CHCHD6: variants seen among roughly 807,000 people sequenced by gnomAD.
The protein encoded by CHCHD6 is MICOS complex subunit MIC25.
Under a neutral mutation model 32.3 loss-of-function variants are expected in CHCHD6, and 28 were observed. The observed-to-expected ratio is 0.87, with a 90% CI of 0.64 to 1.19. The LOEUF (loss-of-function observed/expected upper bound fraction) is 1.19. Among genes scored for constraint, CHCHD6 ranks in the 50% most tolerant of loss-of-function variants. The pLI is 0.00. For synonymous variants in CHCHD6, 122 were observed against 117.5 expected (o/e 1.04, Z -0.25); for missense variants, 333 against 307.0 (o/e 1.08, Z -0.63).
At chr3:126,886,258 T>C (rs2077678232) in intron 5 of CHCHD6, among the ~76,000 whole-genome samples, 1 of 152,178 alleles carries the variant, frequency 6.6e-6, no homozygotes, top group Non-Finnish European at 1.5e-5. Context: ...TCTTTTGGAG[T>C]TTTCAGTTAC....
intron 5 of CHCHD6, among the ~76,000 whole-genome samples, chr3:126,864,530 T>A: frequency 7.2e-6 from 1 of 138,632 alleles, no homozygotes; most frequent in African/African-American, 2.7e-5. Context: ...CTCCACCACC[T>A]CCTCCTCCTT....
intron 4 of CHCHD6, among the ~76,000 whole-genome samples, chr3:126,799,505 C>T (rs1344009839): frequency 6.6e-6 from 1 of 152,178 alleles, no homozygotes; most frequent in African/African-American, 2.4e-5. Context: ...CTTTAGAAAA[C>T]AAACAGGACG....
intron 4 of CHCHD6, among the ~76,000 whole-genome samples, chr3:126,797,408 G>T (rs1215667053): frequency 6.6e-6 from 1 of 152,114 alleles, no homozygotes; most frequent in Non-Finnish European, 1.5e-5. Context: ...TAAAAATACT[G>T]AAAAGACCTT....
chr3:126,886,439 C>T (rs977711633), intron 5 of CHCHD6, among the ~76,000 whole-genome samples: 3 of 152,180 alleles, frequency 2.0e-5, no homozygotes, highest in South Asian at 2.1e-4. Flanking sequence ...ACACTACTGC[C>T]GGTTATCACT....
intron 6 of CHCHD6, chr3:126,956,968 C>T (rs2078794010): frequency 5.6e-6 from 1 of 177,882 alleles, no homozygotes; most frequent in South Asian, 1.5e-4. Flanking sequence ...CACAGGAAAG[C>T]CCAGGAAAGC....
chr3:126,850,145 C>A (rs1260920271), intron 4 of CHCHD6, among the ~76,000 whole-genome samples: 2 of 152,196 alleles, frequency 1.3e-5, no homozygotes, highest in East Asian at 3.8e-4. Flanking sequence ...CTCAGATGAG[C>A]AGAGCCAGTG....
At chr3:126,824,822 G>A (rs150561073) in intron 4 of CHCHD6, among the ~76,000 whole-genome samples, 3 of 151,784 alleles carry the variant, frequency 2.0e-5, no homozygotes, top group East Asian at 2.0e-4. Flanking sequence ...CAGGTGATCC[G>A]CCCACCTCAG....
chr3:126,914,759 T>C lies in CHCHD6; in HGVS notation c.566+9T>C. ...ATGGAGAGCACAATAAAGTAAGAATTTGTTTATTATTCTTTGTAAACTTGG... is the reference window on the plus strand; with the variant it reads ...ATGGAGAGCACAATAAAGTAAGAATCTGTTTATTATTCTTTGTAAACTTGG... On this transcript the variant is annotated intron_variant, in intron 6 of 7. Coordinates refer to ENST00000290913, the MANE Select transcript of CHCHD6 (RefSeq NM_032343.3). 3 of 1,502,468 alleles carry C rather than the reference T, an allele frequency of 2.0e-6. No individual in the cohort carries two copies. The highest frequency in any genetic ancestry group is 2.8e-6 in the Non-Finnish European group (3 of 1,077,884). The allele number at this position is 1,502,468 out of a possible 1,614,324, so 93.1% of individuals were successfully genotyped here.
chr3:126,816,555 G>A lies in CHCHD6; in HGVS notation c.412-36092G>A, dbSNP rs142376320. Reference sequence around the variant, plus strand: ...TGAACCCTTTCAGGTGCTGAGTATGGGCCCGAGGGACTACAGCCTGAAAGC... The same window carrying A: ...TGAACCCTTTCAGGTGCTGAGTATGAGCCCGAGGGACTACAGCCTGAAAGC... On this transcript the variant is annotated intron_variant, in intron 4 of 7. Coordinates refer to ENST00000290913, the MANE Select transcript of CHCHD6 (RefSeq NM_032343.3). 1.4e-3 allele frequency among the ~76,000 whole-genome samples: 209 copies of A among 152,192 alleles called. 4 individuals are homozygous for A. In the East Asian group the frequency reaches 0.036, roughly 27 times the overall value.
intron 4 of CHCHD6, among the ~76,000 whole-genome samples, chr3:126,739,525 A>C (rs1936199737): frequency 1.3e-5 from 2 of 152,210 alleles, no homozygotes; most frequent in African/African-American, 4.8e-5. Context: ...TGTCTCAAGA[A>C]ACTAGCGGGT....
intron 6 of CHCHD6, among the ~76,000 whole-genome samples, chr3:126,917,788 C>T (rs746327085): frequency 3.0e-4 from 46 of 152,206 alleles, no homozygotes; most frequent in Admixed American, 7.2e-4. Flanking sequence ...GAAAGGGACT[C>T]CAGAGAGCTC....
chr3:126,921,315 C>T (rs998015938), intron 6 of CHCHD6, among the ~76,000 whole-genome samples: 1 of 152,142 alleles, frequency 6.6e-6, no homozygotes, highest in African/African-American at 2.4e-5. Flanking sequence ...CAGTCACAGA[C>T]TAGGGCCTCT....
chr3:126,771,305 G>T (rs1380510407), intron 4 of CHCHD6, among the ~76,000 whole-genome samples: 1 of 151,028 alleles, frequency 6.6e-6, no homozygotes, highest in African/African-American at 2.4e-5. Flanking sequence ...CCCAGGTTCA[G>T]GCAATTCCCC....
In CHCHD6 at chr3:126,958,252, A is replaced by G. The variant is rs556572607; in HGVS notation, c.702+701A>G. 4.6e-5 allele frequency among the ~76,000 whole-genome samples: 7 copies of G among 150,686 alleles called. No individual in the cohort carries two copies. The South Asian group carries it at 6.3e-4, about 14-fold the overall frequency. ...TGGTGCAGTCAGGCTGTTCCCAGCCATACCTCACCCTTGCCCCACCCCAAC... is the reference window on the plus strand; with the variant it reads ...TGGTGCAGTCAGGCTGTTCCCAGCCGTACCTCACCCTTGCCCCACCCCAAC... On this transcript the variant is annotated intron_variant, in intron 7 of 7. Coordinates refer to ENST00000290913, the MANE Select transcript of CHCHD6 (RefSeq NM_032343.3).
intron 1 of CHCHD6, among the ~76,000 whole-genome samples, chr3:126,705,381 T>C (rs1380110627): frequency 6.6e-6 from 1 of 152,220 alleles, no homozygotes; most frequent in Non-Finnish European, 1.5e-5. Flanking sequence ...GCAGCTCTTA[T>C]TGCAGTGTAG....
At chr3:126,827,761 C>T (rs1470304871) in intron 4 of CHCHD6, among the ~76,000 whole-genome samples, 1 of 152,064 alleles carries the variant, frequency 6.6e-6, no homozygotes. Context: ...GTTAATTGAG[C>T]CTGGAAAGTA....
chr3:126,847,042 T>A (rs1230536969), intron 4 of CHCHD6, among the ~76,000 whole-genome samples: 1 of 152,194 alleles, frequency 6.6e-6, no homozygotes, highest in Non-Finnish European at 1.5e-5. Flanking sequence ...AAATTGATAA[T>A]CATTTTTCTT....
At chr3:126,727,502 A>G (rs1177506872) in intron 2 of CHCHD6, among the ~76,000 whole-genome samples, 1 of 152,226 alleles carries the variant, frequency 6.6e-6, no homozygotes. Flanking sequence ...CGGCATAGCC[A>G]TGACTCAGCT....
chr3:126,800,435 G>A (rs964840586), intron 4 of CHCHD6, among the ~76,000 whole-genome samples: 5 of 152,164 alleles, frequency 3.3e-5, no homozygotes, highest in African/African-American at 9.7e-5. Flanking sequence ...AATCACAGAA[G>A]CAGTTGGGCC....
Sources: gnomAD v4.1 joint callset for allele counts (sites outside exome capture counted in the v4.1 genomes callset) on GRCh38, gnomAD v4.1.1 for gene constraint, MANE v1.5 for transcripts, NCBI Gene and HGNC (gene_info 2026-07-23, HGNC 2026-07-21) for gene names.